The following CPQ variants were observed in gnomAD, a reference collection of about 807,000 sequenced individuals.
CPQ encodes Ser-Met dipeptidase.
CPQ carries 37 observed loss-of-function variants against 45.7 expected under a neutral mutation model. The observed-to-expected ratio is 0.81, with a 90% CI of 0.62 to 1.07. The LOEUF is 1.07. CPQ is among the 50% of genes least tolerant of loss of function. The probability of loss-of-function intolerance (pLI) is 0.00; values close to 1 mark genes in which losing one functional copy is unlikely to be tolerated. For synonymous variants in CPQ, 186 were observed against 205.8 expected (o/e 0.90, Z 0.82); for missense variants, 537 against 572.9 (o/e 0.94, Z 0.64).
intron 2 of CPQ, among the ~76,000 whole-genome samples, chr8:96,801,576 G>C (rs1811008098): frequency 6.6e-6 from 1 of 152,162 alleles, no homozygotes; most frequent in Non-Finnish European, 1.5e-5. Flanking sequence ...TAAGGGCAGG[G>C]ATGATATTTC....
chr8:96,768,373 G>A (rs1029584941), intron 1 of CPQ, among the ~76,000 whole-genome samples: 11 of 151,756 alleles, frequency 7.2e-5, no homozygotes, highest in African/African-American at 2.4e-4. Context: ...TTGACGCCAC[G>A]GAGAGCTGCT....
intron 5 of CPQ, among the ~76,000 whole-genome samples, chr8:96,999,999 CT>C (rs534518950): frequency 0.023 from 3,306 of 142,730 alleles, 44 homozygotes; most frequent in Middle Eastern, 0.047. Context: ...TGCTGCTGAG[CT>C]TTTTTTTTTT....
intron 6 of CPQ, among the ~76,000 whole-genome samples, chr8:97,055,009 C>T (rs898456551): frequency 2.0e-5 from 3 of 151,920 alleles, no homozygotes; most frequent in African/African-American, 7.3e-5. Context: ...AATGCTCCAT[C>T]TGAATGGAAA....
At chr8:97,076,259 C>A (rs565501574) in intron 7 of CPQ, among the ~76,000 whole-genome samples, 1 of 151,608 alleles carries the variant, frequency 6.6e-6, no homozygotes, top group African/African-American at 2.4e-5. Context: ...CACCTGACGT[C>A]GTGATCCTCC....
chr8:96,743,109 A>G (rs184643283), intron 1 of CPQ, among the ~76,000 whole-genome samples: 4 of 152,288 alleles, frequency 2.6e-5, no homozygotes, highest in African/African-American at 9.6e-5. Context: ...ACTTTCAGGC[A>G]CACCAATCAG....
intron 1 of CPQ, among the ~76,000 whole-genome samples, chr8:96,734,736 T>TA (rs1554561103): frequency 9.9e-5 from 6 of 60,496 alleles, no homozygotes; most frequent in South Asian, 6.6e-4. Flanking sequence ...TAAAATAAAA[T>TA]AAATAAAATA....
chr8:97,058,657 GC>G (rs1438708673), intron 6 of CPQ, among the ~76,000 whole-genome samples: 1 of 152,128 alleles, frequency 6.6e-6, no homozygotes, highest in Admixed American at 6.6e-5. Flanking sequence ...AGGGAAGTCT[GC>G]TCCTACAAAC....
At chr8:96,923,916 C>A (rs533657065) in intron 4 of CPQ, among the ~76,000 whole-genome samples, 26 of 152,318 alleles carry the variant, frequency 1.7e-4, no homozygotes, top group Admixed American at 1.6e-3. Flanking sequence ...GTAGAACGTG[C>A]CTCAGAATTG....
chr8:96,874,395 C>T (rs1812119028), intron 3 of CPQ, among the ~76,000 whole-genome samples: 1 of 151,750 alleles, frequency 6.6e-6, no homozygotes, highest in South Asian at 2.1e-4. Context: ...CAGAGTTGTG[C>T]AACCACCACA....
intron 3 of CPQ, among the ~76,000 whole-genome samples, chr8:96,853,106 T>C (rs1279615748): frequency 1.3e-5 from 2 of 152,226 alleles, no homozygotes; most frequent in Non-Finnish European, 2.9e-5. Context: ...TTGATGTTCT[T>C]GTCAGGATGT....
At chr8:96,654,047 A>G (rs565269872) in intron 1 of CPQ, among the ~76,000 whole-genome samples, 1 of 152,364 alleles carries the variant, frequency 6.6e-6, no homozygotes, top group South Asian at 2.1e-4. Flanking sequence ...TCATAAAAGA[A>G]GTCAAATGCA....
intron 4 of CPQ, among the ~76,000 whole-genome samples, chr8:96,943,848 G>T (rs978424077): frequency 6.6e-6 from 1 of 152,060 alleles, no homozygotes; most frequent in African/African-American, 2.4e-5. Flanking sequence ...CGTCACTCAG[G>T]GTTTGACAAA....
rs148658823 is a variant in CPQ at position 96,894,192 on chromosome 8, C to T, written c.849+14187C>T. Among the ~76,000 whole-genome samples the T allele has an allele frequency of 2.5e-3, 375 of 152,268 alleles. 3 individuals carry two copies. The highest frequency in any genetic ancestry group is 4.4e-3 in the Non-Finnish European group (296 of 68,026). ...GGCTTCAGATGACTTCAACCCTGGC[C>T]AATATTTTGACCACAACCTTATCAG... On this transcript the variant is annotated intron_variant, in intron 4 of 7. Coordinates refer to ENST00000220763, the MANE Select transcript of CPQ (RefSeq NM_016134.4).
chr8:96,811,500 A>G (rs1463993832), intron 2 of CPQ, among the ~76,000 whole-genome samples: 1 of 152,196 alleles, frequency 6.6e-6, no homozygotes, highest in Non-Finnish European at 1.5e-5. Flanking sequence ...CTGTTTTCAT[A>G]AACAAAACAG....
intron 1 of CPQ, among the ~76,000 whole-genome samples, chr8:96,721,437 G>C (rs1228163060): frequency 6.6e-6 from 1 of 151,868 alleles, no homozygotes; most frequent in Non-Finnish European, 1.5e-5. Context: ...ATTTATGGAG[G>C]GACAGTACAC....
rs558831295 is a variant in CPQ, at chr8:96,989,852, A to G, written c.961+23806A>G. Among the ~76,000 whole-genome samples, 19 of 152,274 alleles carry G rather than the reference A, an allele frequency of 1.2e-4. 1 individual carries two copies. In the South Asian group the frequency reaches 3.7e-3, roughly 30 times the overall value. ...AATCTCAAAGATTGCCTAGTGGAACAATATGATTGTTCATGTGAATAAACT... is the reference window on the plus strand; with the variant it reads ...AATCTCAAAGATTGCCTAGTGGAACGATATGATTGTTCATGTGAATAAACT... On this transcript the variant is annotated intron_variant, in intron 5 of 7. Coordinates refer to ENST00000220763, the MANE Select transcript of CPQ (RefSeq NM_016134.4).
chr8:96,768,256 G>A (rs1159639298), intron 1 of CPQ, among the ~76,000 whole-genome samples: 1 of 150,416 alleles, frequency 6.6e-6, no homozygotes. Context: ...AATTGTTTTA[G>A]CTCCATTATG....
intron 5 of CPQ, among the ~76,000 whole-genome samples, chr8:97,023,948 A>T (rs530472069): frequency 6.6e-6 from 1 of 152,262 alleles, no homozygotes; most frequent in African/African-American, 2.4e-5. Context: ...TCCGTGTCAC[A>T]GGGTACCCAT....
intron 3 of CPQ, among the ~76,000 whole-genome samples, chr8:96,851,983 A>G (rs1811777280): frequency 6.6e-6 from 1 of 152,232 alleles, no homozygotes; most frequent in African/African-American, 2.4e-5. Flanking sequence ...TCGAAAGGCA[A>G]AAGGCACAGG....
Sources: allele counts gnomAD v4.1 joint callset (sites outside exome capture counted in the v4.1 genomes callset), GRCh38; gene constraint gnomAD v4.1.1; transcripts MANE v1.5; gene names NCBI Gene and HGNC (gene_info 2026-07-23, HGNC 2026-07-21).